Variants in TMEM178B observed in about 807,000 individuals in gnomAD.
TMEM178B encodes transmembrane protein 178B.
Under a neutral mutation model 31.0 loss-of-function variants are expected in TMEM178B, and 5 were observed. The observed-to-expected ratio is 0.16, with a 90% CI of 0.08 to 0.34. The LOEUF (loss-of-function observed/expected upper bound fraction) is 0.34. TMEM178B is among the 10% of genes least tolerant of loss of function. TMEM178B has a pLI of 1.00. For synonymous variants in TMEM178B, 164 were observed against 164.0 expected, an observed-to-expected ratio of 1.00 and a Z score of 0.00; for missense variants, 275 against 400.3, an observed-to-expected ratio of 0.69 and a Z score of 2.67.
chr7:141,471,627 A>G lies in TMEM178B; in HGVS notation c.*841A>G, dbSNP rs1802244099. 1 of 150,736 alleles carries G rather than the reference A, an allele frequency of 6.6e-6. No homozygotes were observed. The highest frequency in any genetic ancestry group is 2.0e-4 in the East Asian group (1 of 5,076). The allele number at this position is 150,736 out of a possible 1,614,324, so 9.3% of individuals were successfully genotyped here. On this transcript the variant is annotated 3_prime_UTR_variant, in exon 4 of 4. Transcript: ENST00000565468. The surrounding 1 kb of genome is among the most constrained non-coding windows in gnomAD (Gnocchi z 4.1). Reference sequence around the variant, plus strand: ...CCTTTTTTTCTTTTCTACCTTTTAAATGGAAATACTGCATTATGACTGTTG... The same window carrying G: ...CCTTTTTTTCTTTTCTACCTTTTAAGTGGAAATACTGCATTATGACTGTTG...
chr7:141,112,092 T>C (rs1240621697), intron 1 of TMEM178B, among the ~76,000 whole-genome samples: 7 of 152,226 alleles, frequency 4.6e-5, no homozygotes, highest in Non-Finnish European at 5.9e-5. Context: ...TATGTGTATA[T>C]TAGCCTGTTC....
chr7:141,386,797 G>C (rs1800439224), intron 2 of TMEM178B, among the ~76,000 whole-genome samples: 2 of 152,124 alleles, frequency 1.3e-5, no homozygotes, highest in Admixed American at 6.5e-5. Flanking sequence ...AAGGATCCTG[G>C]GGTGGCTCAT....
chr7:141,399,580 T>A (rs1428227599), intron 2 of TMEM178B, among the ~76,000 whole-genome samples: 1 of 152,200 alleles, frequency 6.6e-6, no homozygotes, highest in East Asian at 1.9e-4. Flanking sequence ...GGGTGGCTTG[T>A]CCTTAACTAA....
the TMEM178B span, among the ~76,000 whole-genome samples, chr7:141,493,996 C>G: frequency 6.6e-6 from 1 of 152,136 alleles, no homozygotes; most frequent in Non-Finnish European, 1.5e-5. Context: ...TGCTTCACTT[C>G]CAGAATCACT....
chr7:141,190,342 C>T (rs1796677171), intron 1 of TMEM178B, among the ~76,000 whole-genome samples: 1 of 151,882 alleles, frequency 6.6e-6, no homozygotes, highest in African/African-American at 2.4e-5. Context: ...TAGACAGGGT[C>T]TTGTTCTGTT....
intron 1 of TMEM178B, among the ~76,000 whole-genome samples, chr7:141,143,743 G>C (rs1369527402): frequency 1.3e-5 from 2 of 151,868 alleles, no homozygotes; most frequent in African/African-American, 4.8e-5. Context: ...TTTTTTTCTA[G>C]TCTGCGAAAA....
chr7:141,459,134 A>G (rs1040346431), intron 3 of TMEM178B, among the ~76,000 whole-genome samples: 1 of 152,130 alleles, frequency 6.6e-6, no homozygotes, highest in Non-Finnish European at 1.5e-5. Flanking sequence ...GGTTCAAGCA[A>G]TTCTCCTGCC....
At chr7:141,483,715 C>T (rs551256928), downstream of TMEM178B, among the ~76,000 whole-genome samples, 1 of 151,698 alleles carries the variant, frequency 6.6e-6, no homozygotes, top group South Asian at 2.1e-4. Flanking sequence ...CTTTGTTAAG[C>T]AGATTCTATA....
At chr7:141,442,257 A>G (rs1320643139) in intron 3 of TMEM178B, among the ~76,000 whole-genome samples, 2 of 152,072 alleles carry the variant, frequency 1.3e-5, no homozygotes, top group Non-Finnish European at 2.9e-5. Context: ...GAAGACATCC[A>G]TCACCTCCTC....
At chr7:141,399,369 A>C (rs1800713722) in intron 2 of TMEM178B, among the ~76,000 whole-genome samples, 1 of 152,224 alleles carries the variant, frequency 6.6e-6, no homozygotes, top group African/African-American at 2.4e-5. Context: ...GCTAGTGGGA[A>C]ATATGGAGGG....
intron 2 of TMEM178B, among the ~76,000 whole-genome samples, chr7:141,437,341 G>T (rs1423736550): frequency 6.6e-6 from 1 of 152,230 alleles, no homozygotes; most frequent in Non-Finnish European, 1.5e-5. Context: ...GCACAAAGGA[G>T]GCATAGAAGA....
intron 2 of TMEM178B, among the ~76,000 whole-genome samples, chr7:141,278,054 T>C (rs1586866054): frequency 6.6e-6 from 1 of 152,304 alleles, no homozygotes; most frequent in South Asian, 2.1e-4. Flanking sequence ...GTTAGAGAAT[T>C]CTTCTTAGAT....
At position 141,311,257 on chromosome 7, in the gene TMEM178B, A is replaced by G. The variant is rs117529074; in HGVS notation, c.496+98553A>G. On this transcript the variant is annotated intron_variant, in intron 2 of 3. Coordinates refer to ENST00000565468, the MANE Select transcript of TMEM178B (RefSeq NM_001195278.2). ...AAACCACCATGGCACACATTTACCT[A>G]TGTAACAAACAGGCACATCCTGCAC... Among the ~76,000 whole-genome samples the G allele has an allele frequency of 1.8e-3, 281 of 152,342 alleles. 5 individuals carry two copies. The East Asian group carries it at 0.049, about 27-fold the overall frequency.
intron 2 of TMEM178B, among the ~76,000 whole-genome samples, chr7:141,268,561 T>A (rs1798130666): frequency 6.6e-6 from 1 of 152,250 alleles, no homozygotes; most frequent in African/African-American, 2.4e-5. Context: ...TATACAATTT[T>A]GACTGAAAAA....
intron 2 of TMEM178B, among the ~76,000 whole-genome samples, chr7:141,331,973 C>G (rs1222590561): frequency 6.6e-6 from 1 of 152,194 alleles, no homozygotes; most frequent in East Asian, 1.9e-4. Flanking sequence ...CCTCCTGAGG[C>G]TGTGTCCTCT....
chr7:141,342,940 C>T (rs1028323682), intron 2 of TMEM178B, among the ~76,000 whole-genome samples: 3 of 152,174 alleles, frequency 2.0e-5, no homozygotes, highest in Non-Finnish European at 4.4e-5. Context: ...TGTCTAGCTG[C>T]GCCTCTTGAA....
chr7:141,468,750 A>G (rs6943536), intron 3 of TMEM178B, among the ~76,000 whole-genome samples: 6,153 of 152,270 alleles, frequency 0.04, 377 homozygotes, highest in African/African-American at 0.13. Flanking sequence ...CGGAGGTTTA[A>G]TAGACAAAAG....
intron 2 of TMEM178B, among the ~76,000 whole-genome samples, chr7:141,357,088 C>T (rs1799833338): frequency 6.6e-6 from 1 of 152,100 alleles, no homozygotes; most frequent in Non-Finnish European, 1.5e-5. Flanking sequence ...GGTTCAGAAC[C>T]ACCATCTCCA....
At chr7:141,109,413 G>C (rs536411174) in intron 1 of TMEM178B, among the ~76,000 whole-genome samples, 6 of 152,144 alleles carry the variant, frequency 3.9e-5, no homozygotes, top group Admixed American at 2.6e-4. Flanking sequence ...AGTGTGACAC[G>C]TGAAATTGTG....
Sources: gnomAD v4.1 joint callset for allele counts (sites outside exome capture counted in the v4.1 genomes callset) on GRCh38, gnomAD v4.1.1 for gene constraint, Gnocchi (gnomAD v3.1) non-coding constraint, MANE v1.5 for transcripts, NCBI Gene and HGNC (gene_info 2026-07-23, HGNC 2026-07-21) for gene names.